MARK1: variants seen among roughly 807,000 people sequenced by gnomAD.
MARK1 encodes serine/threonine-protein kinase MARK1.
MARK1 carries 40 observed loss-of-function variants against 96.3 expected under a neutral mutation model. The ratio of observed to expected loss-of-function variants is 0.42; its 90% confidence interval spans 0.32 to 0.54. The LOEUF (loss-of-function observed/expected upper bound fraction) is 0.54, where lower values mean the gene tolerates loss of function less well. Ranked by LOEUF, MARK1 falls within the 20% of genes least tolerant of loss-of-function variation. The pLI, the probability that MARK1 is intolerant of heterozygous loss-of-function variation, is 0.16. For missense variants in MARK1, 719 were observed against 984.6 expected, an observed-to-expected ratio of 0.73 and a Z score of 3.61; for synonymous variants, 317 against 341.2, an observed-to-expected ratio of 0.93 and a Z score of 0.78.
intron 9 of MARK1, among the ~76,000 whole-genome samples, chr1:220,622,605 G>A (rs546996586): frequency 5.9e-5 from 9 of 152,250 alleles, no homozygotes; most frequent in African/African-American, 2.2e-4. Flanking sequence ...TTTTTAAAAT[G>A]TGCACCTCAG....
chr1:220,627,001 C>G, intron 9 of MARK1: 1 of 533,022 alleles, frequency 1.9e-6, no homozygotes, highest in Non-Finnish European at 3.8e-6. Context: ...CATACAGCGA[C>G]TACTTGGAAT....
At position 220,528,775 on chromosome 1, in the gene MARK1, C is replaced by A; in HGVS notation, c.-48C>A. ...TCCTGTCGCCCCCCGGGGCCCGCAC[C>A]ACAGCCCGGCCGGCGAGACCCCGGC... On this transcript the variant is annotated 5_prime_UTR_variant, in exon 1 of 18. Coordinates refer to ENST00000366917, the MANE Select transcript of MARK1 (RefSeq NM_018650.5). 1 of 1,538,828 alleles carries A rather than the reference C, an allele frequency of 6.5e-7. No homozygotes were observed. The highest frequency in any genetic ancestry group is 8.8e-7 in the Non-Finnish European group (1 of 1,140,462).
At chr1:220,616,032 C>T (rs759758554) in intron 7 of MARK1, 37 bp downstream of exon 7, 14 of 1,062,776 alleles carry the variant, frequency 1.3e-5, no homozygotes, top group South Asian at 3.0e-5. Flanking sequence ...AAAAAAAAAT[C>T]GTTATTATTA....
chr1:220,619,985 A>G (rs1423121362), intron 9 of MARK1, among the ~76,000 whole-genome samples: 1 of 152,200 alleles, frequency 6.6e-6, no homozygotes. Flanking sequence ...ATCCCTGTGT[A>G]CAGAGCTCTC....
intron 1 of MARK1, among the ~76,000 whole-genome samples, chr1:220,533,541 A>C (rs1660472181): frequency 6.6e-6 from 1 of 152,060 alleles, no homozygotes; most frequent in African/African-American, 2.4e-5. Context: ...TTAGTGATGA[A>C]CTTTTTTAGA....
At chr1:220,656,585 T>C (rs1669190294) in intron 16 of MARK1, among the ~76,000 whole-genome samples, 2 of 152,342 alleles carry the variant, frequency 1.3e-5, no homozygotes, top group Middle Eastern at 3.4e-3. Flanking sequence ...TACATGTAAC[T>C]GAAAATGTAC....
intron 6 of MARK1, among the ~76,000 whole-genome samples, chr1:220,605,844 T>G (rs1666040922): frequency 6.6e-6 from 1 of 152,188 alleles, no homozygotes; most frequent in Non-Finnish European, 1.5e-5. Flanking sequence ...GGACAGAAAC[T>G]TATCCTTTTT....
intron 1 of MARK1, among the ~76,000 whole-genome samples, chr1:220,548,448 A>G (rs1403012943): frequency 1.3e-5 from 2 of 152,220 alleles, no homozygotes; most frequent in African/African-American, 4.8e-5. Context: ...GATTTAGAGA[A>G]CAAACATCGG....
At chr1:220,561,512 AT>A (rs1662667057) in intron 1 of MARK1, among the ~76,000 whole-genome samples, 1 of 152,142 alleles carries the variant, frequency 6.6e-6, no homozygotes, top group Non-Finnish European at 1.5e-5. Flanking sequence ...CTGTGACAAG[AT>A]TTACTTAGAG....
intron 1 of MARK1, among the ~76,000 whole-genome samples, chr1:220,567,554 T>C (rs1037848812): frequency 6.6e-6 from 1 of 152,184 alleles, no homozygotes; most frequent in Non-Finnish European, 1.5e-5. Context: ...ATTGCTACTC[T>C]GGACTTTCCC....
Position 220,662,116 on chromosome 1 carries a change from A to C in MARK1, c.2338A>C (p.Ile780Leu). 1 of 1,614,060 alleles carries C rather than the reference A, an allele frequency of 6.2e-7. No homozygotes were observed. The highest frequency in any genetic ancestry group is 8.5e-7 in the Non-Finnish European group (1 of 1,180,020). ...VRFKRISGTS[I>L]AFKNIASKIA... ...CTTCAAGCGAATATCTGGGACATCT[A>C]TTGCCTTTAAGAACATTGCATCAAA... The change falls in exon 18 of 18, where the codon ATT (isoleucine) becomes CTT (leucine). Residue 780 changes from isoleucine (I) to leucine (L), a missense_variant. Ile to Leu is a conservative substitution (Grantham distance 5). Around this residue, in one of 4 missense-constraint regions of MARK1, gnomAD observed 17 missense variants for 49.7 expected, o/e 0.34. Coordinates refer to ENST00000366917, the MANE Select transcript of MARK1 (RefSeq NM_018650.5).
intron 9 of MARK1, among the ~76,000 whole-genome samples, chr1:220,620,361 A>G (rs10495149): frequency 0.61 from 91,938 of 151,958 alleles, 28,656 homozygotes; most frequent in Non-Finnish European, 0.68. Flanking sequence ...CTCTCATATC[A>G]GTTCTAAAAT....
chr1:220,568,041 G>T (rs1343451347), intron 1 of MARK1, among the ~76,000 whole-genome samples: 6 of 152,130 alleles, frequency 3.9e-5, no homozygotes, highest in Non-Finnish European at 5.9e-5. Flanking sequence ...TTTTGAATAG[G>T]TTAATGCAAC....
rs536703483 is a variant in MARK1 at position 220,548,890 on chromosome 1, G to A, written c.51+20017G>A. 3.9e-5 allele frequency among the ~76,000 whole-genome samples: 6 copies of A among 152,220 alleles called. No individual in the cohort carries two copies. The East Asian group carries it at 5.8e-4, about 15-fold the overall frequency. ...GGAAGTTTGGAAAAGAATTTAACAC[G>A]GTATTTTTAGATAATTTAGGTAAGT... On this transcript the variant is annotated intron_variant, in intron 1 of 17. Transcript: ENST00000366917.
chr1:220,538,843 G>A (rs1391123577), intron 1 of MARK1, among the ~76,000 whole-genome samples: 4 of 150,274 alleles, frequency 2.7e-5, no homozygotes, highest in East Asian at 2.0e-4. Context: ...GTGAATGGGA[G>A]TTCACTCATG....
At chr1:220,588,759 G>A (rs910461188) in intron 3 of MARK1, among the ~76,000 whole-genome samples, 1 of 152,068 alleles carries the variant, frequency 6.6e-6, no homozygotes, top group Middle Eastern at 3.2e-3. Context: ...TCAATAAATG[G>A]CACTTATGAG....
At position 220,593,597 on chromosome 1, in the gene MARK1, C is replaced by T. The variant is rs541591182; in HGVS notation, c.310-4734C>T. Among the ~76,000 whole-genome samples, 11 of 152,202 alleles carry T rather than the reference C, an allele frequency of 7.2e-5. No individual in the cohort carries two copies. In the East Asian group the frequency reaches 1.9e-3, roughly 27 times the overall value. On this transcript the variant is annotated intron_variant, in intron 3 of 17. Coordinates refer to ENST00000366917, the MANE Select transcript of MARK1 (RefSeq NM_018650.5). ...CTCTGCAAATCTAACCCACAGAGCC[C>T]CACCCCTACTGTCAGCCTGGGAGTC...
At chr1:220,633,304 A>T (rs1177450045) in intron 11 of MARK1, among the ~76,000 whole-genome samples, 1 of 152,200 alleles carries the variant, frequency 6.6e-6, no homozygotes, top group East Asian at 1.9e-4. Context: ...AGGAAAACAA[A>T]TATAAAGGCT....
Position 220,611,728 on chromosome 1 carries a change from T to A in MARK1, c.496-4211T>A, listed in dbSNP as rs144624987. Among the ~76,000 whole-genome samples the A allele has an allele frequency of 6.8e-3, 1,042 of 152,146 alleles. 17 individuals are homozygous for A. The highest frequency in any genetic ancestry group is 0.022 in the African/African-American group (911 of 41,534). On this transcript the variant is annotated intron_variant, in intron 6 of 17. Coordinates refer to ENST00000366917, the MANE Select transcript of MARK1 (RefSeq NM_018650.5). ...CATGTATTTATTTTATTTATTTATT[T>A]TTTATTTTTATTTTATTTTTTTGAG...
Sources: gnomAD v4.1 joint callset for allele counts (sites outside exome capture counted in the v4.1 genomes callset) on GRCh38, gnomAD v4.1.1 for gene constraint, gnomAD v4.1.1 regional missense constraint, MANE v1.5 for transcripts, NCBI Gene and HGNC (gene_info 2026-07-23, HGNC 2026-07-21) for gene names.